Variants in MARCHF1 observed in about 807,000 individuals in gnomAD.
The protein encoded by MARCHF1 is membrane associated ring-CH-type finger 1, also known as E3 ubiquitin-protein ligase MARCHF1.
A neutral mutation model predicts 54.2 loss-of-function variants in MARCHF1; 40 were observed. The observed-to-expected ratio is 0.74, with a 90% CI of 0.57 to 0.96. The LOEUF (loss-of-function observed/expected upper bound fraction) is 0.96. MARCHF1 is among the 40% of genes least tolerant of loss of function. The pLI, the probability that MARCHF1 is intolerant of heterozygous loss-of-function variation, is 0.00. For synonymous variants in MARCHF1, 236 were observed against 236.3 expected (o/e 1.00, Z 0.01); for missense variants, 586 against 656.5 (o/e 0.89, Z 1.17).
chr4:164,010,245 T>C (rs1753390666), intron 2 of MARCHF1, among the ~76,000 whole-genome samples: 1 of 150,672 alleles, frequency 6.6e-6, no homozygotes, highest in African/African-American at 2.4e-5. Flanking sequence ...TTTTTTGTTG[T>C]TGTTTTTTGG....
chr4:163,819,477 A>G (rs1748632783), intron 4 of MARCHF1, among the ~76,000 whole-genome samples: 2 of 152,046 alleles, frequency 1.3e-5, no homozygotes, highest in African/African-American at 2.4e-5. Flanking sequence ...ATAAATTAGT[A>G]ATTCCCAAAC....
chr4:163,550,507 C>T (rs1462089482), intron 8 of MARCHF1, among the ~76,000 whole-genome samples: 2 of 142,218 alleles, frequency 1.4e-5, no homozygotes, highest in African/African-American at 2.6e-5. Context: ...TACGGTAGCC[C>T]TTTTTTTTTT....
intron 8 of MARCHF1, among the ~76,000 whole-genome samples, chr4:163,575,590 C>T (rs769137388): frequency 1.1e-4 from 17 of 151,872 alleles, no homozygotes; most frequent in Admixed American, 2.6e-4. Context: ...AGGAGTCCCT[C>T]CTCGATTTTT....
intron 2 of MARCHF1, among the ~76,000 whole-genome samples, chr4:164,082,045 C>A (rs1034009399): frequency 1.3e-5 from 2 of 152,180 alleles, no homozygotes; most frequent in Admixed American, 1.3e-4. Context: ...CTCAGGCAGG[C>A]AACTTACTCA....
intron 3 of MARCHF1, among the ~76,000 whole-genome samples, chr4:163,877,958 TAGAG>T (rs1750329568): frequency 6.6e-6 from 1 of 152,148 alleles, no homozygotes; most frequent in African/African-American, 2.4e-5. Context: ...AAGCAGAGGA[TAGAG>T]AGAGGGGAAA....
chr4:164,372,252 T>A (rs1731056476), intron 1 of MARCHF1, among the ~76,000 whole-genome samples: 1 of 152,188 alleles, frequency 6.6e-6, no homozygotes, highest in African/African-American at 2.4e-5. Flanking sequence ...AATACATGTC[T>A]CTTTGGGTCT....
At chr4:163,736,076 G>A (rs73868681) in intron 4 of MARCHF1, among the ~76,000 whole-genome samples, 2,461 of 152,176 alleles carry the variant, frequency 0.016, 69 homozygotes, top group African/African-American at 0.057. Context: ...ATGGATAGAA[G>A]ATTTATTCTT....
intron 2 of MARCHF1, among the ~76,000 whole-genome samples, chr4:164,062,584 G>A (rs1288959676): frequency 2.0e-5 from 3 of 152,054 alleles, no homozygotes; most frequent in African/African-American, 7.2e-5. Context: ...GAGTGCAGTG[G>A]CGCGATCTCG....
chr4:163,526,669 ATTAC>A lies in MARCHF1; in HGVS notation c.*2075_*2078del, dbSNP rs1487040404. The A allele has an allele frequency of 6.6e-6, 1 of 151,920 alleles. No individual in the cohort carries two copies. Among genetic ancestry groups the A allele is most frequent in the Admixed American group, 6.6e-5 (1 of 15,224 alleles). The allele number at this position is 151,920 out of a possible 1,614,324, so 9.4% of individuals were successfully genotyped here. On this transcript the variant is annotated 3_prime_UTR_variant, in exon 10 of 10. Coordinates refer to ENST00000514618, the MANE Select transcript of MARCHF1 (RefSeq NM_001394959.1). ...GGTCCACATGTTTTTTAAAACGTTAATTACTTATATCCTTATTTATACAGAATTT... is the reference window on the plus strand; with the variant it reads ...GGTCCACATGTTTTTTAAAACGTTAATTATATCCTTATTTATACAGAATTT...
At chr4:164,052,599 G>T (rs1325961432) in intron 2 of MARCHF1, among the ~76,000 whole-genome samples, 3 of 152,028 alleles carry the variant, frequency 2.0e-5, no homozygotes, top group Non-Finnish European at 2.9e-5. Context: ...TAAAACTAAG[G>T]ATTTTCTAAG....
intron 4 of MARCHF1, among the ~76,000 whole-genome samples, chr4:163,742,654 T>A (rs1160747832): frequency 6.6e-6 from 1 of 151,328 alleles, no homozygotes; most frequent in Admixed American, 6.6e-5. Context: ...ATTTTTTTAT[T>A]TTTTGTAGAG....
At chr4:163,774,548 A>G (rs1747251942) in intron 4 of MARCHF1, among the ~76,000 whole-genome samples, 1 of 135,572 alleles carries the variant, frequency 7.4e-6, no homozygotes, top group Non-Finnish European at 1.5e-5. Context: ...CCCAGGCTGG[A>G]GTGCAATGGT....
intron 3 of MARCHF1, among the ~76,000 whole-genome samples, chr4:163,927,140 T>A (rs1268967881): frequency 6.6e-6 from 1 of 151,736 alleles, no homozygotes; most frequent in African/African-American, 2.4e-5. Flanking sequence ...TCTTTCTTTT[T>A]TACAATGAGG....
At chr4:164,154,504 G>A (rs1419772090) in intron 1 of MARCHF1, among the ~76,000 whole-genome samples, 5 of 152,182 alleles carry the variant, frequency 3.3e-5, no homozygotes, top group Non-Finnish European at 7.3e-5. Flanking sequence ...TTGTGAAACA[G>A]GAGAGTTCCC....
At chr4:163,559,888 A>G (rs1739411570) in intron 8 of MARCHF1, among the ~76,000 whole-genome samples, 3 of 152,276 alleles carry the variant, frequency 2.0e-5, no homozygotes, top group South Asian at 4.1e-4. Context: ...ATCTAGTGGC[A>G]TGTCTTAAAA....
intron 1 of MARCHF1, among the ~76,000 whole-genome samples, chr4:164,140,500 G>T (rs1316489573): frequency 2.6e-5 from 4 of 151,946 alleles, no homozygotes; most frequent in African/African-American, 9.7e-5. Flanking sequence ...AGAACTACCT[G>T]CTTCCTGTTG....
chr4:164,220,265 T>C (rs182676600), intron 1 of MARCHF1, among the ~76,000 whole-genome samples: 34 of 146,830 alleles, frequency 2.3e-4, no homozygotes, highest in Non-Finnish European at 4.3e-4. Flanking sequence ...TATATACACA[T>C]ACATATGTAT....
chr4:163,990,246 C>T (rs929401278), intron 2 of MARCHF1, among the ~76,000 whole-genome samples: 2 of 152,140 alleles, frequency 1.3e-5, no homozygotes, highest in Non-Finnish European at 2.9e-5. Flanking sequence ...CTAACCCCTA[C>T]CATCCATCAA....
intron 1 of MARCHF1, among the ~76,000 whole-genome samples, chr4:164,376,782 T>G (rs1731205601): frequency 6.6e-6 from 1 of 152,144 alleles, no homozygotes; most frequent in Admixed American, 6.5e-5. Context: ...TGAAAGATAC[T>G]CAGCGCAAGC....
Sources: gnomAD v4.1 joint callset for allele counts (sites outside exome capture counted in the v4.1 genomes callset) on GRCh38, gnomAD v4.1.1 for gene constraint, MANE v1.5 for transcripts, NCBI Gene and HGNC (gene_info 2026-07-23, HGNC 2026-07-21) for gene names.